The following CHRM3 variants were observed in gnomAD, a reference collection of about 807,000 sequenced individuals.
CHRM3 encodes the protein cholinergic receptor muscarinic 3.
CHRM3 carries 11 observed loss-of-function variants against 41.8 expected under a neutral mutation model. That is an observed-to-expected ratio of 0.26 (90% CI 0.17 to 0.44). The LOEUF (loss-of-function observed/expected upper bound fraction) is 0.44. CHRM3 is among the 20% of genes least tolerant of loss of function. The pLI is 1.00. For missense variants in CHRM3, 571 were observed against 745.4 expected, an observed-to-expected ratio of 0.77 and a Z score of 2.72; for synonymous variants, 297 against 301.4, an observed-to-expected ratio of 0.99 and a Z score of 0.15.
intron 3 of CHRM3, among the ~76,000 whole-genome samples, chr1:239,579,909 G>C (rs954599187): frequency 2.0e-5 from 3 of 152,044 alleles, no homozygotes; most frequent in African/African-American, 7.2e-5. Context: ...AAGAACTCGA[G>C]GCACAGCAAA....
intron 2 of CHRM3, among the ~76,000 whole-genome samples, chr1:239,524,379 G>A (rs1669854037): frequency 6.6e-6 from 1 of 151,728 alleles, no homozygotes; most frequent in South Asian, 2.1e-4. Context: ...TTTGTAATAT[G>A]TTAGCTATCA....
intron 1 of CHRM3, among the ~76,000 whole-genome samples, chr1:239,485,155 G>A (rs1667105561): frequency 1.3e-5 from 2 of 152,138 alleles, no homozygotes; most frequent in Admixed American, 1.3e-4. Context: ...AATTGCAAAT[G>A]ACACTTGGCT....
chr1:239,904,977 T>C (rs561299057), intron 6 of CHRM3, among the ~76,000 whole-genome samples: 2 of 152,214 alleles, frequency 1.3e-5, no homozygotes, highest in Non-Finnish European at 2.9e-5. Context: ...GCTCCTGAGA[T>C]CATGGATTTT....
At chr1:239,417,941 G>C (rs1481836182) in intron 1 of CHRM3, among the ~76,000 whole-genome samples, 1 of 152,146 alleles carries the variant, frequency 6.6e-6, no homozygotes, top group Non-Finnish European at 1.5e-5. Context: ...ATTTGCTTCT[G>C]AATTAAAAAC....
At chr1:239,755,214 T>C (rs539864322) in intron 5 of CHRM3, among the ~76,000 whole-genome samples, 1 of 152,274 alleles carries the variant, frequency 6.6e-6, no homozygotes, top group South Asian at 2.1e-4. Context: ...TCCAAAACCA[T>C]CAGGGATGTT....
intron 5 of CHRM3, among the ~76,000 whole-genome samples, chr1:239,755,873 G>A (rs1666200359): frequency 6.6e-6 from 1 of 152,194 alleles, no homozygotes. Flanking sequence ...CTTAGAAGAT[G>A]TATTTTGTTC....
intron 6 of CHRM3, among the ~76,000 whole-genome samples, chr1:239,837,486 T>C (rs557518221): frequency 1.3e-5 from 2 of 152,300 alleles, no homozygotes; most frequent in East Asian, 3.9e-4. Context: ...TGCTGTCCTT[T>C]GTAAGCTGCA....
chr1:239,478,995 G>A (rs560913570), intron 1 of CHRM3, among the ~76,000 whole-genome samples: 1 of 152,124 alleles, frequency 6.6e-6, no homozygotes, highest in African/African-American at 2.4e-5. Flanking sequence ...TCAGCCTGAC[G>A]AACATGGGGA....
intron 4 of CHRM3, among the ~76,000 whole-genome samples, chr1:239,635,137 A>C (rs1483145030): frequency 1.3e-5 from 2 of 152,178 alleles, no homozygotes; most frequent in Admixed American, 1.3e-4. Flanking sequence ...CTCTACTCCA[A>C]GTCATCATCT....
chr1:239,756,844 A>ATAG (rs112484363), intron 5 of CHRM3, among the ~76,000 whole-genome samples: 6 of 152,172 alleles, frequency 3.9e-5, no homozygotes, highest in African/African-American at 1.4e-4. Context: ...TTTTCACATA[A>ATAG]TTTTGCATAA....
chr1:239,787,753 G>A (rs1157883091), intron 5 of CHRM3, among the ~76,000 whole-genome samples: 1 of 152,136 alleles, frequency 6.6e-6, no homozygotes, highest in Non-Finnish European at 1.5e-5. Flanking sequence ...TCATTTACAA[G>A]TTGTCCGATC....
At position 239,711,481 on chromosome 1, in the gene CHRM3, C is replaced by T. The variant is rs138500854; in HGVS notation, c.-147+33193C>T. On this transcript the variant is annotated intron_variant, in intron 5 of 6. Coordinates refer to ENST00000676153, the MANE Select transcript of CHRM3 (RefSeq NM_001375978.1). ...TCAGTAATCATTAAATAATAATATACGATATTAATATTAAATAGTAAGAAA... is the reference window on the plus strand; with the variant it reads ...TCAGTAATCATTAAATAATAATATATGATATTAATATTAAATAGTAAGAAA... Among the ~76,000 whole-genome samples, 214 of 151,564 alleles carry T rather than the reference C, an allele frequency of 1.4e-3. 1 individual carries two copies. The highest frequency in any genetic ancestry group is 6.9e-3 in the Middle Eastern group (2 of 290).
chr1:239,909,169 A>T lies in CHRM3; in HGVS notation c.1718A>T (p.Tyr573Phe). ...AAAAAAAAGAGGCGCAAGCAGCAGT[A>T]CCAGCAGAGACAGTCGGTCATTTTT... is the stretch of plus-strand genomic sequence containing the variant. ...CDKKKRRKQQ[Y>F]QQRQSVIFHK... Residue 573 changes from tyrosine to phenylalanine, a missense_variant, in exon 7 of 7, where the codon TAC becomes TTC. By Grantham distance (22) the Tyr-to-Phe change is conservative. This residue lies in a region of CHRM3 where 44 missense variants were observed against 39.7 expected (regional missense o/e 1.11). Coordinates refer to ENST00000676153, the MANE Select transcript of CHRM3 (RefSeq NM_001375978.1). The T allele has an allele frequency of 6.2e-7, 1 of 1,613,724 alleles. No homozygotes were observed. The highest frequency in any genetic ancestry group is 8.5e-7 in the Non-Finnish European group (1 of 1,179,932).
intron 3 of CHRM3, among the ~76,000 whole-genome samples, chr1:239,599,671 C>A (rs182202226): frequency 2.0e-5 from 3 of 152,130 alleles, no homozygotes; most frequent in African/African-American, 2.4e-5. Flanking sequence ...TTTAATACAT[C>A]TAGCCTACCA....
chr1:239,729,878 G>A lies in CHRM3; in HGVS notation c.-147+51590G>A, dbSNP rs552079637. 5.3e-5 allele frequency among the ~76,000 whole-genome samples: 8 copies of A among 152,016 alleles called. No homozygotes were observed. In the South Asian group the frequency reaches 1.7e-3, roughly 32 times the overall value. ...ATATTTAACAAACTACTACTTTCGA[G>A]TTTGGGTGTATTTTTAAAGTAAAAT... On this transcript the variant is annotated intron_variant, in intron 5 of 6. Coordinates refer to ENST00000676153, the MANE Select transcript of CHRM3 (RefSeq NM_001375978.1).
chr1:239,589,532 G>T (rs1663840831), intron 3 of CHRM3, among the ~76,000 whole-genome samples: 1 of 147,792 alleles, frequency 6.8e-6, no homozygotes, highest in African/African-American at 2.5e-5. Flanking sequence ...TATATATATA[G>T]TTTTATGTAA....
At chr1:239,668,074 T>C (rs1037281829) in intron 4 of CHRM3, among the ~76,000 whole-genome samples, 19 of 150,712 alleles carry the variant, frequency 1.3e-4, no homozygotes, top group African/African-American at 4.6e-4. Context: ...TTTTCTTTTC[T>C]TTTTTTTCCC....
rs555541949 is a variant in CHRM3 at position 239,895,285 on chromosome 1, G to A, written c.-19-12148G>A. ...TTTCTTGGGTCCATCCCTCCCGAGT[G>A]CCACTGGGAGAGTTTGGGAGAAAGC... On this transcript the variant is annotated intron_variant, in intron 6 of 6. Transcript: ENST00000676153. Among the ~76,000 whole-genome samples, 9 of 151,884 alleles carry A rather than the reference G, an allele frequency of 5.9e-5. No individual in the cohort carries two copies. In the South Asian group the frequency reaches 1.5e-3, roughly 25 times the overall value.
At chr1:239,395,431 G>C (rs1048624207) in intron 1 of CHRM3, among the ~76,000 whole-genome samples, 1 of 151,952 alleles carries the variant, frequency 6.6e-6, no homozygotes, top group Non-Finnish European at 1.5e-5. Flanking sequence ...CAAATGTTAT[G>C]AATAAATCAA....
Sources: gnomAD v4.1 joint callset for allele counts (sites outside exome capture counted in the v4.1 genomes callset) on GRCh38, gnomAD v4.1.1 for gene constraint, gnomAD v4.1.1 regional missense constraint, MANE v1.5 for transcripts, NCBI Gene and HGNC (gene_info 2026-07-23, HGNC 2026-07-21) for gene names.